The following ADAMTSL1 variants were observed in gnomAD, a reference collection of about 807,000 sequenced individuals.
ADAMTSL1 encodes the protein ADAMTS-like protein 1.
ADAMTSL1 carries 126 observed loss-of-function variants against 201.8 expected under a neutral mutation model. That is an observed-to-expected ratio of 0.62 (90% CI 0.54 to 0.72). The LOEUF is 0.72. Ranked by LOEUF, ADAMTSL1 falls within the 30% of genes least tolerant of loss-of-function variation. The pLI, the probability that ADAMTSL1 is intolerant of heterozygous loss-of-function variation, is 0.00. For synonymous variants in ADAMTSL1, 1,121 were observed against 903.4 expected (o/e 1.24, Z -4.32); for missense variants, 2,679 against 2,277.8 (o/e 1.18, Z -3.59).
At chr9:18,635,101 G>T (rs1457400420) in intron 5 of ADAMTSL1, among the ~76,000 whole-genome samples, 1 of 151,616 alleles carries the variant, frequency 6.6e-6, no homozygotes, top group Admixed American at 6.6e-5. Flanking sequence ...CTGTGCCAAT[G>T]TCAGAAGTTT....
At chr9:17,989,746 T>G (rs1335981230) in intron 1 of ADAMTSL1, among the ~76,000 whole-genome samples, 1 of 151,996 alleles carries the variant, frequency 6.6e-6, no homozygotes, top group Non-Finnish European at 1.5e-5. Context: ...TATTTGTTTA[T>G]TTCTAGAAAT....
chr9:18,327,466 A>G (rs536512655), intron 2 of ADAMTSL1, among the ~76,000 whole-genome samples: 1 of 152,316 alleles, frequency 6.6e-6, no homozygotes, highest in African/African-American at 2.4e-5. Context: ...CCTTGGCAGA[A>G]TTGAAAGTCA....
chr9:18,000,309 C>T (rs1384940547), intron 1 of ADAMTSL1, among the ~76,000 whole-genome samples: 1 of 151,964 alleles, frequency 6.6e-6, no homozygotes, highest in African/African-American at 2.4e-5. Context: ...ATTAAAAAGT[C>T]AGACACTTTT....
chr9:18,872,545 C>A (rs1827928954), intron 23 of ADAMTSL1, among the ~76,000 whole-genome samples: 1 of 152,162 alleles, frequency 6.6e-6, no homozygotes, highest in Non-Finnish European at 1.5e-5. Flanking sequence ...GACTTTGCAT[C>A]CTCATAGCTC....
At chr9:18,607,392 A>G (rs1032662622) in intron 4 of ADAMTSL1, among the ~76,000 whole-genome samples, 2 of 152,212 alleles carry the variant, frequency 1.3e-5, no homozygotes, top group Non-Finnish European at 2.9e-5. Context: ...GGCATTTGAT[A>G]GACCCACTTT....
intron 19 of ADAMTSL1, among the ~76,000 whole-genome samples, chr9:18,778,531 G>A (rs1821199184): frequency 6.6e-6 from 1 of 152,172 alleles, no homozygotes; most frequent in Non-Finnish European, 1.5e-5. Flanking sequence ...CTGGGTCATA[G>A]CCATTCATAA....
intron 1 of ADAMTSL1, among the ~76,000 whole-genome samples, chr9:18,141,362 A>G (rs1423166478): frequency 2.6e-5 from 4 of 152,164 alleles, no homozygotes; most frequent in Admixed American, 6.5e-5. Context: ...GGCTCTAAGA[A>G]AACAGCTCTG....
At chr9:18,264,129 G>T (rs1248598389) in intron 2 of ADAMTSL1, among the ~76,000 whole-genome samples, 1 of 152,012 alleles carries the variant, frequency 6.6e-6, no homozygotes, top group Non-Finnish European at 1.5e-5. Flanking sequence ...AGATTCTCTA[G>T]AATTTTTGGT....
intron 16 of ADAMTSL1, among the ~76,000 whole-genome samples, chr9:18,769,473 A>T (rs2133709123): frequency 6.6e-6 from 1 of 152,336 alleles, no homozygotes; most frequent in East Asian, 1.9e-4. Context: ...ACTGAAAGTG[A>T]TAGAAAACCC....
chr9:18,213,296 T>A (rs1829946230), intron 2 of ADAMTSL1, among the ~76,000 whole-genome samples: 1 of 152,338 alleles, frequency 6.6e-6, no homozygotes, highest in South Asian at 2.1e-4. Context: ...ATTTGTAGGA[T>A]CACGCTCTTG....
chr9:18,267,762 T>TAAAAAAAA (rs72030473), intron 2 of ADAMTSL1, among the ~76,000 whole-genome samples: 49 of 125,226 alleles, frequency 3.9e-4, no homozygotes, highest in African/African-American at 1.3e-3. Context: ...CAAAGGCTAT[T>TAAAAAAAA]AAAAAAAAAA....
chr9:18,643,671 T>C (rs1827590450), intron 7 of ADAMTSL1, among the ~76,000 whole-genome samples: 1 of 152,002 alleles, frequency 6.6e-6, no homozygotes, highest in African/African-American at 2.4e-5. Context: ...AGCAACTTTG[T>C]CAGAAAATCA....
chr9:18,109,307 C>T (rs551003534), intron 1 of ADAMTSL1, among the ~76,000 whole-genome samples: 115 of 152,232 alleles, frequency 7.6e-4, no homozygotes, highest in Middle Eastern at 3.4e-3. Flanking sequence ...AGGAATCCCT[C>T]GGAAGGACCC....
chr9:18,538,084 T>G (rs1013425475), intron 3 of ADAMTSL1, among the ~76,000 whole-genome samples: 1 of 151,944 alleles, frequency 6.6e-6, no homozygotes, highest in Non-Finnish European at 1.5e-5. Flanking sequence ...ATGAAAAAGA[T>G]AGGTTTGGCT....
chr9:18,714,848 A>G (rs1314111215), intron 14 of ADAMTSL1, among the ~76,000 whole-genome samples: 1 of 151,664 alleles, frequency 6.6e-6, no homozygotes, highest in Admixed American at 6.6e-5. Context: ...AAAAATCCTC[A>G]GTAAAATACT....
intron 2 of ADAMTSL1, among the ~76,000 whole-genome samples, chr9:18,373,940 T>G (rs1007341386): frequency 6.6e-6 from 1 of 152,186 alleles, no homozygotes; most frequent in Admixed American, 6.5e-5. Context: ...AAAGGGATGA[T>G]AGTAGCCAGC....
Position 18,889,668 on chromosome 9 carries a change from G to C in ADAMTSL1, c.4563G>C (p.Glu1521Asp). ...PRLRCLLNSTEVNPAHCAGKV... is the reference protein window; with the variant it reads ...PRLRCLLNSTDVNPAHCAGKV... ...TGAGGTGCCTGCTGAACAGCACGGAGGTCAACCCTGCCCACTGCGCAGGGA... is the reference window on the plus strand; with the variant it reads ...TGAGGTGCCTGCTGAACAGCACGGACGTCAACCCTGCCCACTGCGCAGGGA... The change falls in exon 25 of 29, where the codon GAG (glutamate) becomes GAC (aspartate). Residue 1521 changes from glutamate (E) to aspartate (D), a missense_variant. Coordinates refer to ENST00000380548, the MANE Select transcript of ADAMTSL1 (RefSeq NM_001040272.6). 6.2e-7 allele frequency: 1 copy of C among 1,610,014 alleles called. No homozygotes were observed. The highest frequency in any genetic ancestry group is 2.2e-5 in the East Asian group (1 of 44,600).
intron 2 of ADAMTSL1, among the ~76,000 whole-genome samples, chr9:18,433,702 C>T (rs1819596311): frequency 6.6e-6 from 1 of 152,170 alleles, no homozygotes; most frequent in African/African-American, 2.4e-5. Context: ...CATTTATTCA[C>T]TCAAAGCTAA....
intron 26 of ADAMTSL1, among the ~76,000 whole-genome samples, chr9:18,899,504 T>A (rs1185640644): frequency 6.6e-6 from 1 of 152,090 alleles, no homozygotes; most frequent in Non-Finnish European, 1.5e-5. Flanking sequence ...ATCCTAAGCA[T>A]AAAGGACAGA....
Sources: gnomAD v4.1 joint callset for allele counts (sites outside exome capture counted in the v4.1 genomes callset) on GRCh38, gnomAD v4.1.1 for gene constraint, MANE v1.5 for transcripts, NCBI Gene and HGNC (gene_info 2026-07-23, HGNC 2026-07-21) for gene names.